AGPAT3: variants seen among roughly 807,000 people sequenced by gnomAD.
AGPAT3 encodes the protein 1-acyl-sn-glycerol-3-phosphate acyltransferase gamma.
A neutral mutation model predicts 47.3 loss-of-function variants in AGPAT3; 5 were observed. The ratio of observed to expected loss-of-function variants is 0.11; its 90% CI spans 0.06 to 0.22. The LOEUF is 0.22. Ranked by LOEUF, AGPAT3 falls within the 10% of genes least tolerant of loss-of-function variation. The probability of loss-of-function intolerance (pLI) is 1.00; values close to 1 mark genes in which losing one functional copy is unlikely to be tolerated. For synonymous variants in AGPAT3, 212 were observed against 208.3 expected (o/e 1.02, Z -0.15); for missense variants, 315 against 493.0 (o/e 0.64, Z 3.42).
chr21:43,951,403 G>A (rs910703165), intron 2 of AGPAT3, among the ~76,000 whole-genome samples: 4 of 152,186 alleles, frequency 2.6e-5, no homozygotes, highest in East Asian at 1.9e-4. Flanking sequence ...TTTCTCCTCC[G>A]CCAACTGCTG....
At chr21:43,898,796 G>A (rs1479897395) in intron 1 of AGPAT3, among the ~76,000 whole-genome samples, 2 of 152,134 alleles carry the variant, frequency 1.3e-5, no homozygotes, top group African/African-American at 4.8e-5. Flanking sequence ...CAAAGTGCTG[G>A]TATTACAGGC....
At chr21:43,927,980 TGGA>T (rs2087112375) in intron 2 of AGPAT3, among the ~76,000 whole-genome samples, 1 of 152,190 alleles carries the variant, frequency 6.6e-6, no homozygotes, top group Admixed American at 6.5e-5. Context: ...CTGTTGGTGT[TGGA>T]GGAGAACACA....
At chr21:43,878,843 C>T (rs979183590) in intron 1 of AGPAT3, among the ~76,000 whole-genome samples, 10 of 151,506 alleles carry the variant, frequency 6.6e-5, no homozygotes, top group Non-Finnish European at 1.0e-4. Flanking sequence ...CGGGTTCAAG[C>T]GATTCTTGTG....
At chr21:43,912,942 T>A (rs1170348302) in intron 2 of AGPAT3, among the ~76,000 whole-genome samples, 3 of 152,238 alleles carry the variant, frequency 2.0e-5, no homozygotes, top group Admixed American at 2.0e-4. Flanking sequence ...GACTGTGGCC[T>A]GTGAATGAGC....
Position 43,981,031 on chromosome 21 carries a change from G to A in AGPAT3, c.886G>A (p.Gly296Arg). ...ATATAATCAGAAGGGCATGTTTCCA[G>A]GGGAGCAGTTTAAGCCTGCCCGGAG... ...EIYNQKGMFP[G>R]EQFKPARRPW... The change falls in exon 9 of 10, where the codon GGG (glycine) becomes AGG (arginine). Residue 296 changes from glycine to arginine, a missense_variant. By Grantham distance (125) the Gly-to-Arg change is moderately radical. Transcript: ENST00000291572. This position sits in a 1 kb window ranked among gnomAD's most constrained non-coding sequence, Gnocchi z 5.3. The A allele has an allele frequency of 6.2e-7, 1 of 1,614,180 alleles. No homozygotes were observed. Among genetic ancestry groups the A allele is most frequent in the Non-Finnish European group, 8.5e-7 (1 of 1,180,028 alleles).
In AGPAT3 at chr21:43,955,333, GT is replaced by G; in HGVS notation, c.-48-4300del. ...TGGAAATGTTCCCTGTTGCAGTGTG[GT>G]GGGGTCACAGGCGGCTTAGCTTGTC... On this transcript the variant is annotated intron_variant, in intron 2 of 9. Transcript: ENST00000291572. This position sits in a 1 kb window ranked among gnomAD's most constrained non-coding sequence, Gnocchi z 4.1. 1.1e-6 allele frequency: 1 copy of G among 951,446 alleles called. No individual in the cohort carries two copies. Among genetic ancestry groups the G allele is most frequent in the Non-Finnish European group, 1.3e-6 (1 of 750,272 alleles). The allele number at this position is 951,446 out of a possible 1,614,324, so 58.9% of individuals were successfully genotyped here. A position where few individuals can be genotyped will look rare whatever the true frequency, so the allele number is the denominator to read the frequency against.
At chr21:43,960,391 G>C (rs1432047798) in intron 3 of AGPAT3, among the ~76,000 whole-genome samples, 1 of 152,222 alleles carries the variant, frequency 6.6e-6, no homozygotes, top group African/African-American at 2.4e-5. Context: ...GAGACTCAGA[G>C]GCTTGGTAAC....
chr21:43,909,862 C>A (rs932756946), intron 2 of AGPAT3, among the ~76,000 whole-genome samples: 5 of 152,176 alleles, frequency 3.3e-5, no homozygotes, highest in African/African-American at 1.2e-4. Flanking sequence ...CACCGTCCTG[C>A]AGGGTCTATC....
Position 43,933,028 on chromosome 21 carries a change from T to G in AGPAT3, c.-48-26606T>G, listed in dbSNP as rs1334127658. Among the ~76,000 whole-genome samples the G allele has an allele frequency of 6.6e-6, 1 of 152,242 alleles. No homozygotes were observed. Among genetic ancestry groups the G allele is most frequent in the African/African-American group, 2.4e-5 (1 of 41,466 alleles). ...CACACTGATTGACGCTCTCTCTCCC[T>G]CACAGCGTGCCAGGTGCCTTTTCTC... On this transcript the variant is annotated intron_variant, in intron 2 of 9. Coordinates refer to ENST00000291572, the MANE Select transcript of AGPAT3 (RefSeq NM_020132.5). This position sits in a 1 kb window ranked among gnomAD's most constrained non-coding sequence, Gnocchi z 6.0.
rs1263636978 is a variant in AGPAT3 at position 43,970,701 on chromosome 21, G to T, written c.559G>T (p.Val187Phe). Reference protein sequence around the residue: ...GTRFTETKHRVSMEVAAAKGL... With the variant: ...GTRFTETKHRFSMEVAAAKGL... ...GCGCTTCACGGAGACCAAGCACCGCGTTAGCATGGAGGTGGCGGCTGCTAA... is the reference window on the plus strand; with the variant it reads ...GCGCTTCACGGAGACCAAGCACCGCTTTAGCATGGAGGTGGCGGCTGCTAA... Residue 187 changes from valine (V) to phenylalanine (F), a missense_variant, in exon 6 of 10, where the codon GTT (valine) becomes TTT (phenylalanine). Coordinates refer to ENST00000291572, the MANE Select transcript of AGPAT3 (RefSeq NM_020132.5). This position sits in a 1 kb window ranked among gnomAD's most constrained non-coding sequence, Gnocchi z 5.8. 1 of 1,613,748 alleles carries T rather than the reference G, an allele frequency of 6.2e-7. No individual in the cohort carries two copies. The highest frequency in any genetic ancestry group is 1.3e-5 in the African/African-American group (1 of 74,920).
intron 2 of AGPAT3, among the ~76,000 whole-genome samples, chr21:43,947,937 T>C (rs1025678979): frequency 2.0e-5 from 3 of 152,208 alleles, no homozygotes; most frequent in Non-Finnish European, 4.4e-5. Context: ...ATTACAGGCA[T>C]GAGCCACCGT....
intron 2 of AGPAT3, among the ~76,000 whole-genome samples, chr21:43,905,207 T>TTATC (rs2086464526): frequency 7.1e-6 from 1 of 141,196 alleles, no homozygotes; most frequent in Non-Finnish European, 1.5e-5. Context: ...ATTTATTTAT[T>TTATC]TTGAGACAGT....
chr21:43,912,583 C>T (rs928374505), intron 2 of AGPAT3, among the ~76,000 whole-genome samples: 2 of 152,256 alleles, frequency 1.3e-5, no homozygotes, highest in African/African-American at 4.8e-5. Context: ...AGGAACGGGG[C>T]CTCATGCCTA....
chr21:43,891,165 AC>A (rs2086095801), intron 1 of AGPAT3, among the ~76,000 whole-genome samples: 2 of 152,202 alleles, frequency 1.3e-5, no homozygotes, highest in East Asian at 3.8e-4. Flanking sequence ...ATAGCATTTT[AC>A]CCACAGTAGA....
chr21:43,971,597 C>A, intron 7 of AGPAT3, 107 bp downstream of exon 7: 2 of 1,014,682 alleles, frequency 2.0e-6, no homozygotes, highest in Non-Finnish European at 3.0e-6. Flanking sequence ...TCCCACAGCC[C>A]CGCAGGGTGG....
chr21:43,896,006 G>A (rs2086207722), intron 1 of AGPAT3, among the ~76,000 whole-genome samples: 1 of 152,190 alleles, frequency 6.6e-6, no homozygotes, highest in African/African-American at 2.4e-5. Context: ...GACCTCAGGT[G>A]ATCCACCCAC....
intron 2 of AGPAT3, among the ~76,000 whole-genome samples, chr21:43,943,922 C>T (rs565187559): frequency 6.6e-6 from 1 of 152,336 alleles, no homozygotes; most frequent in South Asian, 2.1e-4. Flanking sequence ...CCCGCCGCAT[C>T]TTTCACCTGG....
intron 2 of AGPAT3, among the ~76,000 whole-genome samples, chr21:43,958,773 GAT>G (rs796263621): frequency 1.4e-5 from 2 of 146,812 alleles, no homozygotes; most frequent in African/African-American, 5.0e-5. Flanking sequence ...TGTGGTTTGT[GAT>G]GTGTGTGTGG....
intron 6 of AGPAT3, 151 bp from the exon 7 acceptor site, chr21:43,971,237 G>A (rs2089381335): frequency 1.5e-6 from 1 of 676,196 alleles, no homozygotes; most frequent in African/African-American, 1.8e-5. Flanking sequence ...TAGAGAAGAG[G>A]TCCTGGTGTG....
Sources: gnomAD v4.1 joint callset for allele counts (sites outside exome capture counted in the v4.1 genomes callset) on GRCh38, gnomAD v4.1.1 for gene constraint, Gnocchi (gnomAD v3.1) non-coding constraint, MANE v1.5 for transcripts, NCBI Gene and HGNC (gene_info 2026-07-23, HGNC 2026-07-21) for gene names.